Variants in TAS2R1 observed in about 807,000 individuals in gnomAD.
TAS2R1 encodes the protein taste 2 receptor member 1, also known as taste receptor type 2 member 1.
For missense variants in TAS2R1, 370 were observed against 353.4 expected, an observed-to-expected ratio of 1.05 and a Z score of -0.38; for synonymous variants, 141 against 134.2, an observed-to-expected ratio of 1.05 and a Z score of -0.35.
At chr5:9,711,670 TA>T (rs1309325350) in intron 1 of TAS2R1, among the ~76,000 whole-genome samples, 1 of 150,314 alleles carries the variant, frequency 6.7e-6, no homozygotes, top group Non-Finnish European at 1.5e-5. Context: ...TGTATTTATT[TA>T]TTTATTTATT....
At chr5:9,677,308 T>C (rs551668584) in intron 1 of TAS2R1, among the ~76,000 whole-genome samples, 65 of 152,202 alleles carry the variant, frequency 4.3e-4, no homozygotes, top group African/African-American at 1.5e-3. Context: ...TAAGGGGTAC[T>C]GGCTTAATAC....
chr5:9,639,411 A>G (rs1439280946), intron 2 of TAS2R1, among the ~76,000 whole-genome samples: 1 of 152,188 alleles, frequency 6.6e-6, no homozygotes, highest in Non-Finnish European at 1.5e-5. Flanking sequence ...CCCAGTGGGT[A>G]TGTGTGTTCA....
chr5:9,806,770 A>G, the TAS2R1 span, among the ~76,000 whole-genome samples: 2 of 152,176 alleles, frequency 1.3e-5, no homozygotes, highest in African/African-American at 4.8e-5. Context: ...AAAGACTTAG[A>G]TCTATGACCT....
At chr5:9,742,131 C>A in the TAS2R1 span, among the ~76,000 whole-genome samples, 14 of 152,132 alleles carry the variant, frequency 9.2e-5, no homozygotes, top group East Asian at 2.7e-3. Context: ...GTGATCTGCC[C>A]GCCTCAGCCT....
chr5:9,683,841 G>A (rs926900982), intron 1 of TAS2R1, among the ~76,000 whole-genome samples: 1 of 151,812 alleles, frequency 6.6e-6, no homozygotes, highest in Non-Finnish European at 1.5e-5. Context: ...CTCAGCCTCT[G>A]ATTTGGTTGT....
chr5:9,881,673 G>A, the TAS2R1 span, among the ~76,000 whole-genome samples: 1 of 152,086 alleles, frequency 6.6e-6, no homozygotes, highest in Non-Finnish European at 1.5e-5. Flanking sequence ...TAGACCAATG[G>A]AACAGAATAG....
At chr5:9,718,575 G>T in the TAS2R1 span, among the ~76,000 whole-genome samples, 1 of 152,062 alleles carries the variant, frequency 6.6e-6, no homozygotes, top group African/African-American at 2.4e-5. Context: ...ACTGCTTGAG[G>T]CCAGGAGTTT....
At chr5:9,862,653 A>C in the TAS2R1 span, among the ~76,000 whole-genome samples, 1 of 152,044 alleles carries the variant, frequency 6.6e-6, no homozygotes, top group African/African-American at 2.4e-5. Context: ...CCCAGACTGG[A>C]ATGCAGTGGC....
chr5:9,859,981 T>C, the TAS2R1 span, among the ~76,000 whole-genome samples: 1 of 152,238 alleles, frequency 6.6e-6, no homozygotes, highest in Admixed American at 6.5e-5. Context: ...CAATCATTTA[T>C]TGCCACTGAA....
At chr5:9,742,362 G>A in the TAS2R1 span, among the ~76,000 whole-genome samples, 1 of 152,104 alleles carries the variant, frequency 6.6e-6, no homozygotes. Context: ...CTGCTCCTAA[G>A]TTCCATGCAG....
At chr5:9,695,432 G>A (rs543605465) in intron 1 of TAS2R1, among the ~76,000 whole-genome samples, 54 of 152,268 alleles carry the variant, frequency 3.5e-4, no homozygotes, top group African/African-American at 1.2e-3. Flanking sequence ...GAACTGGGTT[G>A]AGATAAATTT....
intron 1 of TAS2R1, among the ~76,000 whole-genome samples, chr5:9,695,497 G>T (rs755821892): frequency 1.3e-5 from 2 of 151,854 alleles, no homozygotes; most frequent in Non-Finnish European, 2.9e-5. Flanking sequence ...CACTAGAAAG[G>T]GTGAGGCAAG....
At chr5:9,708,367 T>C (rs543388922) in intron 1 of TAS2R1, among the ~76,000 whole-genome samples, 65 of 152,282 alleles carry the variant, frequency 4.3e-4, no homozygotes, top group African/African-American at 1.5e-3. Context: ...TCCTACATGG[T>C]TTTCTTCTAC....
At chr5:9,785,330 C>T in the TAS2R1 span, among the ~76,000 whole-genome samples, 40 of 152,114 alleles carry the variant, frequency 2.6e-4, no homozygotes, top group Non-Finnish European at 5.1e-4. Flanking sequence ...ATTTCAAGTG[C>T]CTTTTGTAAA....
the TAS2R1 span, among the ~76,000 whole-genome samples, chr5:9,775,541 T>A: frequency 6.6e-6 from 1 of 152,172 alleles, no homozygotes; most frequent in East Asian, 1.9e-4. Context: ...TGCTGAGTCA[T>A]ATCTGAAGCC....
intron 1 of TAS2R1, among the ~76,000 whole-genome samples, chr5:9,682,624 G>C (rs1216846468): frequency 6.6e-6 from 1 of 152,124 alleles, no homozygotes; most frequent in East Asian, 1.9e-4. Flanking sequence ...TACAACACAA[G>C]AACTATGATC....
chr5:9,693,326 T>C (rs115371899), intron 1 of TAS2R1, among the ~76,000 whole-genome samples: 2,215 of 152,118 alleles, frequency 0.015, 22 homozygotes, highest in African/African-American at 0.035. Context: ...CTGACCAACA[T>C]GGTGAACTAA....
chr5:9,729,619 T>C, the TAS2R1 span, among the ~76,000 whole-genome samples: 5 of 152,100 alleles, frequency 3.3e-5, no homozygotes, highest in Non-Finnish European at 7.3e-5. Context: ...ATGTGCACAA[T>C]GTGCAGGTTT....
At position 9,629,591 on chromosome 5, in the gene TAS2R1, C is replaced by A. The variant is rs191536176; in HGVS notation, c.442G>T (p.Ala148Ser). Residue 148 changes from alanine (A) to serine (S), a missense_variant, in exon 1 of 1, where the codon GCA becomes TCA. By Grantham distance (99) the Ala-to-Ser change is moderately conservative. Coordinates refer to ENST00000382492, the MANE Select transcript of TAS2R1 (RefSeq NM_019599.3). ...SMICVFHSKY[A>S]GFMVPYFLRK... ...AGGAAGTATGGGACCATAAACCCTG[C>A]ATATTTGCTATGGAAAACACAAATC... 6.5e-5 allele frequency: 105 copies of A among 1,614,150 alleles called. No homozygotes were observed. The highest frequency in any genetic ancestry group is 8.2e-5 in the Non-Finnish European group (97 of 1,180,024).
Sources: gnomAD v4.1 joint callset for allele counts (sites outside exome capture counted in the v4.1 genomes callset) on GRCh38, gnomAD v4.1.1 for gene constraint, MANE v1.5 for transcripts, NCBI Gene and HGNC (gene_info 2026-07-23, HGNC 2026-07-21) for gene names.